The following LRBA variants were observed in gnomAD, a reference collection of about 807,000 sequenced individuals.
LRBA encodes the protein lipopolysaccharide-responsive and beige-like anchor protein.
LRBA carries 176 observed loss-of-function variants against 330.0 expected under a neutral mutation model. That is an observed-to-expected ratio of 0.53 (90% CI 0.47 to 0.60). The LOEUF (loss-of-function observed/expected upper bound fraction) is 0.60. Among genes scored for constraint, LRBA ranks in the 20% least tolerant of loss-of-function variants. The pLI is 0.00. For synonymous variants in LRBA, 1,230 were observed against 1,193.0 expected, an observed-to-expected ratio of 1.03 and a Z score of -0.64; for missense variants, 3,259 against 3,444.8, an observed-to-expected ratio of 0.95 and a Z score of 1.35.
chr4:150,824,096 T>C (rs1161087512), intron 30 of LRBA, among the ~76,000 whole-genome samples: 1 of 152,166 alleles, frequency 6.6e-6, no homozygotes, highest in Non-Finnish European at 1.5e-5. Flanking sequence ...GGGTCCTTTT[T>C]AGTTTTTGCA....
chr4:151,007,888 C>A lies in LRBA; in HGVS notation c.216+6539G>T, dbSNP rs1579482565. On this transcript the variant is annotated intron_variant, in intron 2 of 56. Transcript: ENST00000651943. ...AAAAAAAAAAAGAATGTAGACCTTT[C>A]CCTTACCCTTATCTCACACCATACA... Among the ~76,000 whole-genome samples, 3 of 151,672 alleles carry A rather than the reference C, an allele frequency of 2.0e-5. No individual in the cohort carries two copies. The South Asian group carries it at 6.3e-4, about 32-fold the overall frequency.
rs533184215 is a variant in LRBA at position 150,509,680 on chromosome 4, GA to G, written c.6331-18646del. ...GATAAACCTCTGACCAGAGATTAGG[GA>G]AAAAAAATAGATGTAAATCACGAAT... On this transcript the variant is annotated intron_variant, in intron 40 of 56. Transcript: ENST00000651943. 1.9e-4 allele frequency among the ~76,000 whole-genome samples: 28 copies of G among 150,706 alleles called. No individual in the cohort carries two copies. The South Asian group carries it at 5.7e-3, about 31-fold the overall frequency.
chr4:150,949,769 G>A (rs541166721), intron 2 of LRBA, among the ~76,000 whole-genome samples: 91 of 119,960 alleles, frequency 7.6e-4, no homozygotes, highest in Middle Eastern at 9.0e-3. Flanking sequence ...AAGGAAACTC[G>A]TAAGTTCAAA....
At chr4:150,411,560 G>T (rs897776549) in intron 47 of LRBA, among the ~76,000 whole-genome samples, 5 of 152,102 alleles carry the variant, frequency 3.3e-5, no homozygotes, top group African/African-American at 9.7e-5. Context: ...TTTGTTCCAG[G>T]AAGAGGGACA....
rs552948430 is a variant in LRBA at position 150,896,438 on chromosome 4, C to T, written c.2023G>A (p.Asp675Asn). 3.2e-6 allele frequency: 5 copies of T among 1,540,564 alleles called. No individual in the cohort carries two copies. Among genetic ancestry groups the T allele is most frequent in the Admixed American group, 1.8e-5 (1 of 57,012 alleles). Residue 675 changes from aspartate (D) to asparagine (N), a missense_variant, in exon 16 of 57, where the codon GAT (aspartate) becomes AAT (asparagine). Physicochemically the swap from Asp to Asn is conservative, Grantham distance 23 (BLOSUM62 1). Transcript: ENST00000651943. Reference sequence around the variant, plus strand: ...TAATTAAGAATGGCCTGTAATTCATCTTCCTTTACTCCAGAATCCTTCAAA... The same window carrying T: ...TAATTAAGAATGGCCTGTAATTCATTTTCCTTTACTCCAGAATCCTTCAAA... ...LVMKDSGVKEDELQAILNYLL... is the reference protein window; with the variant it reads ...LVMKDSGVKENELQAILNYLL...
chr4:150,629,412 G>T (rs989051215), intron 37 of LRBA, among the ~76,000 whole-genome samples: 1 of 150,590 alleles, frequency 6.6e-6, no homozygotes, highest in African/African-American at 2.4e-5. Flanking sequence ...GCCAAAGCAG[G>T]TGGATCACTT....
chr4:150,704,131 T>C (rs1485285611), intron 36 of LRBA, among the ~76,000 whole-genome samples: 1 of 152,158 alleles, frequency 6.6e-6, no homozygotes, highest in Non-Finnish European at 1.5e-5. Context: ...AGAGGGTCAC[T>C]TGGGCCCAGG....
In LRBA at chr4:150,868,238, G is replaced by A. The variant is rs1752980060; in HGVS notation, c.2517C>T (p.Arg839=). ...TAATCATGTCAGAAAGAAAGGCTCT[G>A]CGAACCTCCATGCTCTCTGGGCACT... The part of the protein sequence containing the change: ...SPQCPESMEV[R]RAFLSDMIKL... The change falls in exon 21 of 57, where the codon CGC becomes CGT. Residue 839 remains arginine (R), a synonymous_variant. Coordinates refer to ENST00000651943, the MANE Select transcript of LRBA (RefSeq NM_001364905.1). 2 of 1,612,532 alleles carry A rather than the reference G, an allele frequency of 1.2e-6. No homozygotes were observed. Among genetic ancestry groups the A allele is most frequent in the African/African-American group, 2.7e-5 (2 of 75,006 alleles).
Position 150,736,173 on chromosome 4 carries a change from C to T in LRBA, c.5646-807G>A, listed in dbSNP as rs78060859. ...AGTCAGCTCAGACCCTAAATTAATA[C>T]AATCGGCCATTAGTCTAACTGCTAA... On this transcript the variant is annotated intron_variant, in intron 35 of 56. Transcript: ENST00000651943. Among the ~76,000 whole-genome samples, 184 of 152,270 alleles carry T rather than the reference C, an allele frequency of 1.2e-3. 4 individuals carry two copies. Among genetic ancestry groups the T allele is most frequent in the African/African-American group, 4.3e-3 (180 of 41,552 alleles).
intron 28 of LRBA, among the ~76,000 whole-genome samples, chr4:150,839,843 A>AACCTGCACGTTGTGCACATGT (rs1748777076): frequency 2.0e-5 from 3 of 152,288 alleles, no homozygotes; most frequent in Non-Finnish European, 4.4e-5. Context: ...ATATGTAACA[A>AACCTGCACGTTGTGCACATGT]ACCTGCACGT....
chr4:150,462,698 C>T (rs1754932823), intron 44 of LRBA, among the ~76,000 whole-genome samples: 1 of 151,660 alleles, frequency 6.6e-6, no homozygotes, highest in Non-Finnish European at 1.5e-5. Flanking sequence ...TATAAATATG[C>T]ATAAATAATT....
At chr4:150,509,455 A>G (rs2152131329) in intron 40 of LRBA, among the ~76,000 whole-genome samples, 1 of 152,198 alleles carries the variant, frequency 6.6e-6, no homozygotes, top group Non-Finnish European at 1.5e-5. Flanking sequence ...TGTGAAAGAA[A>G]GATCTCTTTT....
intron 33 of LRBA, among the ~76,000 whole-genome samples, chr4:150,800,713 C>A (rs1464694042): frequency 6.6e-6 from 1 of 152,154 alleles, no homozygotes; most frequent in African/African-American, 2.4e-5. Flanking sequence ...CGAAGTACTG[C>A]AAGCTTACAG....
intron 41 of LRBA, among the ~76,000 whole-genome samples, chr4:150,490,703 T>G (rs1385398283): frequency 1.3e-5 from 2 of 151,652 alleles, no homozygotes; most frequent in African/African-American, 4.8e-5. Flanking sequence ...CAATTTGTGA[T>G]ATGGCAAAAA....
chr4:150,514,384 T>C (rs1035095019), intron 40 of LRBA, among the ~76,000 whole-genome samples: 3 of 151,990 alleles, frequency 2.0e-5, no homozygotes, highest in Non-Finnish European at 2.9e-5. Context: ...CCTTTCATAG[T>C]TCCTGACAAC....
intron 37 of LRBA, among the ~76,000 whole-genome samples, chr4:150,621,331 C>T (rs1382891054): frequency 1.3e-5 from 2 of 151,990 alleles, no homozygotes; most frequent in Non-Finnish European, 2.9e-5. Flanking sequence ...TGTGGGCTTC[C>T]TATTTTTCTT....
chr4:150,819,336 G>A (rs958137058), intron 30 of LRBA, among the ~76,000 whole-genome samples: 1 of 151,548 alleles, frequency 6.6e-6, no homozygotes, highest in African/African-American at 2.4e-5. Flanking sequence ...GGGGACTTAA[G>A]GTTACACAAG....
At position 150,359,220 on chromosome 4, in the gene LRBA, A is replaced by T. The variant is rs1738315800; in HGVS notation, c.7195-9061T>A. 3.9e-5 allele frequency among the ~76,000 whole-genome samples: 6 copies of T among 152,202 alleles called. No individual in the cohort carries two copies. In the South Asian group the frequency reaches 1.2e-3, roughly 32 times the overall value. ...CATTCTGCAACTTTCTATTAATGTTAGCATCTCTCTCATCTATTCATTCAG... is the reference window on the plus strand; with the variant it reads ...CATTCTGCAACTTTCTATTAATGTTTGCATCTCTCTCATCTATTCATTCAG... On this transcript the variant is annotated intron_variant, in intron 47 of 56. Coordinates refer to ENST00000651943, the MANE Select transcript of LRBA (RefSeq NM_001364905.1).
In LRBA at chr4:150,769,969, G is replaced by A. The variant is rs189634962; in HGVS notation, c.5581-8122C>T. Among the ~76,000 whole-genome samples, 303 of 152,250 alleles carry A rather than the reference G, an allele frequency of 2.0e-3. 2 individuals are homozygous for A. The highest frequency in any genetic ancestry group is 2.0e-3 in the Non-Finnish European group (138 of 68,022). ...TTGACAGGACTAACAAATGCCCAGGGAGCTGATAAAACATGATTTCTGGTT... is the reference window on the plus strand; with the variant it reads ...TTGACAGGACTAACAAATGCCCAGGAAGCTGATAAAACATGATTTCTGGTT... On this transcript the variant is annotated intron_variant, in intron 34 of 56. Transcript: ENST00000651943.
Sources: gnomAD v4.1 joint callset for allele counts (sites outside exome capture counted in the v4.1 genomes callset) on GRCh38, gnomAD v4.1.1 for gene constraint, MANE v1.5 for transcripts, NCBI Gene and HGNC (gene_info 2026-07-23, HGNC 2026-07-21) for gene names.